RALGPS1: variants seen among roughly 807,000 people sequenced by gnomAD.
RALGPS1 encodes the protein Ral GEF with PH domain and SH3 binding motif 1.
Under a neutral mutation model 78.8 loss-of-function variants are expected in RALGPS1, and 19 were observed. The ratio of observed to expected loss-of-function variants is 0.24; its 90% CI spans 0.17 to 0.35. The LOEUF (loss-of-function observed/expected upper bound fraction) is 0.35, where lower values mean the gene tolerates loss of function less well. Among genes scored for constraint, RALGPS1 ranks in the 10% least tolerant of loss-of-function variants. The probability of loss-of-function intolerance (pLI) is 1.00; values close to 1 mark genes in which losing one functional copy is unlikely to be tolerated. For synonymous variants in RALGPS1, 228 were observed against 256.3 expected, an observed-to-expected ratio of 0.89 and a Z score of 1.06; for missense variants, 454 against 688.3, an observed-to-expected ratio of 0.66 and a Z score of 3.81.
chr9:127,186,235 A>G (rs1219318352), intron 11 of RALGPS1, among the ~76,000 whole-genome samples: 1 of 152,202 alleles, frequency 6.6e-6, no homozygotes, highest in Non-Finnish European at 1.5e-5. Context: ...TTCCAATAAA[A>G]CTGCTAAAGA....
At chr9:127,090,294 G>A (rs1286398050) in intron 8 of RALGPS1, among the ~76,000 whole-genome samples, 1 of 152,244 alleles carries the variant, frequency 6.6e-6, no homozygotes, top group Non-Finnish European at 1.5e-5. Context: ...CGCTCCCTAA[G>A]GAGGTGGCCC....
intron 8 of RALGPS1, among the ~76,000 whole-genome samples, chr9:127,139,611 G>A (rs1461644937): frequency 2.6e-5 from 4 of 152,356 alleles, no homozygotes; most frequent in Admixed American, 2.6e-4. Context: ...ACCCTCCTTT[G>A]CAGGGCCCTG....
At position 126,961,450 on chromosome 9, in the gene RALGPS1, T is replaced by TGTG. The variant is rs554688550; in HGVS notation, c.-65-771_-65-769dup. Among the ~76,000 whole-genome samples, 166 of 152,278 alleles carry TGTG rather than the reference T, an allele frequency of 1.1e-3. 2 individuals are homozygous for TGTG. Among genetic ancestry groups the TGTG allele is most frequent in the Middle Eastern group, 0.01 (3 of 294 alleles). On this transcript the variant is annotated intron_variant, in intron 1 of 18. Transcript: ENST00000259351. ...ACCCAGGTTATTATGGATGAAGAAG[T>TGTG]GTGGTGCCAGGGGAACACAAGAGAA...
rs139684621 is a variant in RALGPS1, at chr9:127,173,741, G to T, written c.843-974G>T. The stretch of plus-strand genomic sequence containing the variant: ...ACACTCCAGTTGAGAGGCCACGTGC[G>T]GTGGCTCATGCCTGTAATCCCAGCA... On this transcript the variant is annotated intron_variant, in intron 10 of 18. Coordinates refer to ENST00000259351, the MANE Select transcript of RALGPS1 (RefSeq NM_014636.3). Among the ~76,000 whole-genome samples the T allele has an allele frequency of 4.1e-4, 62 of 152,282 alleles. No individual in the cohort carries two copies. The East Asian group carries it at 7.3e-3, about 18-fold the overall frequency.
At chr9:127,098,488 C>T (rs778194756) in intron 8 of RALGPS1, among the ~76,000 whole-genome samples, 1 of 152,098 alleles carries the variant, frequency 6.6e-6, no homozygotes, top group Admixed American at 6.5e-5. Flanking sequence ...GTGGCTGAGC[C>T]GAGTCTGTGT....
chr9:127,047,685 C>T (rs868707736), intron 5 of RALGPS1, among the ~76,000 whole-genome samples: 5 of 146,124 alleles, frequency 3.4e-5, no homozygotes, highest in African/African-American at 7.6e-5. Flanking sequence ...GGTGACAGAG[C>T]GAGACGCCCT....
At chr9:127,065,365 A>G (rs1478223688) in intron 7 of RALGPS1, among the ~76,000 whole-genome samples, 2 of 151,550 alleles carry the variant, frequency 1.3e-5, no homozygotes, top group Non-Finnish European at 2.9e-5. Flanking sequence ...GCCCACCTCA[A>G]CCTCCCAAAT....
At chr9:127,191,766 C>T (rs1471947568) in intron 11 of RALGPS1, among the ~76,000 whole-genome samples, 5 of 141,478 alleles carry the variant, frequency 3.5e-5, no homozygotes, top group East Asian at 2.2e-4. Context: ...GGCACGATCT[C>T]GGCTCACTGC....
At chr9:127,181,311 C>T (rs541689491) in intron 11 of RALGPS1, among the ~76,000 whole-genome samples, 3 of 152,236 alleles carry the variant, frequency 2.0e-5, no homozygotes, top group East Asian at 3.8e-4. Context: ...CAAGCACCAT[C>T]GTAAGTGCTT....
chr9:127,200,291 T>G (rs2061564941), intron 14 of RALGPS1, among the ~76,000 whole-genome samples: 1 of 152,240 alleles, frequency 6.6e-6, no homozygotes, highest in South Asian at 2.1e-4. Context: ...GTCAGTGCTC[T>G]TGGTTGAGCA....
intron 8 of RALGPS1, among the ~76,000 whole-genome samples, chr9:127,134,005 C>T (rs1383574058): frequency 4.2e-5 from 5 of 119,650 alleles, no homozygotes; most frequent in South Asian, 2.5e-4. Context: ...CTTGTCCTCG[C>T]TCCCCCCCCC....
rs1322361163 is a variant in RALGPS1, at chr9:126,966,062, A to G, written c.165+111A>G. 3 of 739,428 alleles carry G rather than the reference A, an allele frequency of 4.1e-6. No homozygotes were observed. The Admixed American group carries it at 6.2e-5, about 15-fold the overall frequency. The allele number at this position is 739,428 out of a possible 1,614,324, so 45.8% of individuals were successfully genotyped here. ...GGAAACATTCTATATGCCCAGCAAG[A>G]GGGGAGTGTTGAGTAAAGTCCGTAC... On this transcript the variant is annotated intron_variant, in intron 3 of 18. Transcript: ENST00000259351.
chr9:126,990,557 C>T (rs999779565), intron 4 of RALGPS1, among the ~76,000 whole-genome samples: 2 of 152,186 alleles, frequency 1.3e-5, no homozygotes, highest in Non-Finnish European at 2.9e-5. Flanking sequence ...CCACAGCCTC[C>T]CTGGTGTTCA....
intron 5 of RALGPS1, among the ~76,000 whole-genome samples, chr9:127,043,291 A>C (rs1276469360): frequency 6.6e-6 from 1 of 152,216 alleles, no homozygotes; most frequent in East Asian, 1.9e-4. Context: ...TGGAGCTGAT[A>C]AATAGACCTA....
At chr9:127,055,915 G>T (rs942656816) in intron 7 of RALGPS1, among the ~76,000 whole-genome samples, 3 of 152,218 alleles carry the variant, frequency 2.0e-5, no homozygotes, top group Non-Finnish European at 4.4e-5. Flanking sequence ...TGCTGGCCTG[G>T]CACCTGGTTG....
chr9:127,193,178 A>T (rs2061167364), intron 11 of RALGPS1, among the ~76,000 whole-genome samples: 1 of 151,940 alleles, frequency 6.6e-6, no homozygotes, highest in South Asian at 2.1e-4. Context: ...CTGAGAGAAG[A>T]GAAGGGCCCC....
At chr9:127,080,896 C>T (rs781044801) in intron 8 of RALGPS1, among the ~76,000 whole-genome samples, 1 of 152,124 alleles carries the variant, frequency 6.6e-6, no homozygotes, top group Non-Finnish European at 1.5e-5. Context: ...GCAGATATTC[C>T]AAAATCTGAA....
chr9:126,990,136 C>T (rs1162099455), intron 4 of RALGPS1: 21 of 1,040,202 alleles, frequency 2.0e-5, no homozygotes, highest in East Asian at 1.1e-4. Context: ...GTTTGGCCCT[C>T]GGAGAGGGAA....
intron 4 of RALGPS1, among the ~76,000 whole-genome samples, chr9:127,033,866 T>C (rs2046634752): frequency 6.6e-6 from 1 of 152,218 alleles, no homozygotes; most frequent in African/African-American, 2.4e-5. Context: ...GAACAAGATA[T>C]TAAAGGGGAC....
Sources: allele counts gnomAD v4.1 joint callset (sites outside exome capture counted in the v4.1 genomes callset), GRCh38; gene constraint gnomAD v4.1.1; transcripts MANE v1.5; gene names NCBI Gene and HGNC (gene_info 2026-07-23, HGNC 2026-07-21).